FNTB: variants seen among roughly 807,000 people sequenced by gnomAD.
FNTB encodes the protein protein farnesyltransferase subunit beta.
Under a neutral mutation model 59.4 loss-of-function variants are expected in FNTB, and 27 were observed. The ratio of observed to expected loss-of-function variants is 0.45; its 90% CI spans 0.34 to 0.63. The LOEUF (loss-of-function observed/expected upper bound fraction) is 0.63, where lower values mean the gene tolerates loss of function less well. FNTB is among the 20% of genes least tolerant of loss of function. FNTB has a pLI of 0.02. For synonymous variants in FNTB, 230 were observed against 220.7 expected (o/e 1.04, Z -0.37); for missense variants, 449 against 559.6 (o/e 0.80, Z 1.99).
intron 9 of FNTB, among the ~76,000 whole-genome samples, chr14:65,049,580 T>C (rs931098512): frequency 2.0e-5 from 3 of 152,226 alleles, no homozygotes; most frequent in Admixed American, 2.0e-4. Flanking sequence ...TGAGCTTCTA[T>C]GCTTTAATAA....
In FNTB at chr14:65,015,456, C is replaced by G. The variant is rs1051211427; in HGVS notation, c.283-169C>G. 3.9e-5 allele frequency: 13 copies of G among 331,862 alleles called. No homozygotes were observed. The East Asian group carries it at 5.9e-4, about 15-fold the overall frequency. 20.6% of individuals were successfully genotyped at this position (331,862 alleles called of 1,614,324 possible). ...TTTTAACAGATGGTCATTTCAGCTC[C>G]TGGCTAAGGCCACAAAGCAAAGTGT... On this transcript the variant is annotated intron_variant, in intron 3 of 11. Transcript: ENST00000246166.
At chr14:65,022,882 C>T (rs970783750) in intron 4 of FNTB, among the ~76,000 whole-genome samples, 1 of 152,116 alleles carries the variant, frequency 6.6e-6, no homozygotes, top group Admixed American at 6.6e-5. Flanking sequence ...ATTCATGTGC[C>T]TTACCCATCC....
At chr14:65,015,793 T>C in intron 4 of FNTB, 77 bp downstream of exon 4, 1 of 1,540,052 alleles carries the variant, frequency 6.5e-7, no homozygotes, top group Non-Finnish European at 8.9e-7. Flanking sequence ...TGTTTCTGTT[T>C]TGTTTGTTTG....
chr14:65,004,551 A>C (rs201402631), intron 2 of FNTB, among the ~76,000 whole-genome samples: 2 of 152,222 alleles, frequency 1.3e-5, no homozygotes, highest in Admixed American at 6.5e-5. Context: ...ATTCCCCTCA[A>C]TGCCTCAATT....
rs537048294 is a variant in FNTB at position 65,028,060 on chromosome 14, T to A, written c.605+279T>A. Among the ~76,000 whole-genome samples, 132 of 152,366 alleles carry A rather than the reference T, an allele frequency of 8.7e-4. 1 individual carries two copies. The highest frequency in any genetic ancestry group is 1.9e-3 in the Admixed American group (29 of 15,304). On this transcript the variant is annotated intron_variant, in intron 6 of 11. Coordinates refer to ENST00000246166, the MANE Select transcript of FNTB (RefSeq NM_002028.4). This position sits in a 1 kb window ranked among gnomAD's most constrained non-coding sequence, Gnocchi z 4.4. ...TACATTTGTTTGGTACAAAATGATA[T>A]ACCACAATATAAATAACTGTATGGT...
At position 65,054,300 on chromosome 14, in the gene FNTB, C is replaced by T. The variant is rs1022797404; in HGVS notation, c.1068-275C>T. Among the ~76,000 whole-genome samples, 24 of 151,858 alleles carry T rather than the reference C, an allele frequency of 1.6e-4. No individual in the cohort carries two copies. Among genetic ancestry groups the T allele is most frequent in the African/African-American group, 5.3e-4 (22 of 41,354 alleles). On this transcript the variant is annotated intron_variant, in intron 10 of 11. Transcript: ENST00000246166. This position sits in a 1 kb window ranked among gnomAD's most constrained non-coding sequence, Gnocchi z 4.4. ...GCTAATTTTTAATTTTTTGTAGAGA[C>T]GGGGTCTCCCATGTTGCCCAAGTTG...
At chr14:65,040,320 C>T (rs892608332) in intron 7 of FNTB, among the ~76,000 whole-genome samples, 1 of 145,546 alleles carries the variant, frequency 6.9e-6, no homozygotes, top group Non-Finnish European at 1.5e-5. Context: ...TATATATGTA[C>T]ATATATGTAT....
chr14:65,056,431 ATTG>A (rs1340991699), intron 11 of FNTB, among the ~76,000 whole-genome samples: 3 of 152,174 alleles, frequency 2.0e-5, no homozygotes, highest in Admixed American at 6.5e-5. Flanking sequence ...GGGGACACAT[ATTG>A]TCATCTTTGA....
chr14:65,021,999 G>A (rs1417855918), intron 4 of FNTB: 2 of 456,028 alleles, frequency 4.4e-6, no homozygotes, highest in Non-Finnish European at 8.8e-6. Flanking sequence ...GCCATCCAGA[G>A]ACTTGCCGGT....
At chr14:65,056,954 A>AGG (rs1008778560) in intron 11 of FNTB, among the ~76,000 whole-genome samples, 5 of 152,210 alleles carry the variant, frequency 3.3e-5, no homozygotes, top group African/African-American at 1.2e-4. Flanking sequence ...TGGAAATCAA[A>AGG]GGGGAAGCCA....
Position 65,032,846 on chromosome 14 carries a change from C to A in FNTB, c.692+150C>A. 1.6e-6 allele frequency: 1 copy of A among 620,530 alleles called. No homozygotes were observed. Among genetic ancestry groups the A allele is most frequent in the South Asian group, 3.4e-5 (1 of 29,148 alleles). The allele number at this position is 620,530 out of a possible 1,614,324, so 38.4% of individuals were successfully genotyped here. On this transcript the variant is annotated intron_variant, in intron 7 of 11. Coordinates refer to ENST00000246166, the MANE Select transcript of FNTB (RefSeq NM_002028.4). The surrounding 1 kb of genome is among the most constrained non-coding windows in gnomAD (Gnocchi z 5.0). ...GGTTATCTAATGATTTTTTTAAATA[C>A]TTAAAATGTCTTCTTTTTTCCAAAC...
intron 9 of FNTB, among the ~76,000 whole-genome samples, chr14:65,051,591 A>T (rs987285216): frequency 6.6e-6 from 1 of 151,986 alleles, no homozygotes; most frequent in Non-Finnish European, 1.5e-5. Context: ...AACCTGGGCA[A>T]CAGAGTGAGA....
chr14:65,031,619 T>C lies in FNTB; in HGVS notation c.606-991T>C, dbSNP rs1418977479. ...GCATGAGCAACTGTGCCCAGCCTAA[T>C]AATGCTTTTTTAAAAAATAGCCCGG... is the stretch of plus-strand genomic sequence containing the variant. On this transcript the variant is annotated intron_variant, in intron 6 of 11. Transcript: ENST00000246166. This position sits in a 1 kb window ranked among gnomAD's most constrained non-coding sequence, Gnocchi z 4.6. 2.0e-5 allele frequency among the ~76,000 whole-genome samples: 3 copies of C among 151,918 alleles called. No individual in the cohort carries two copies. The highest frequency in any genetic ancestry group is 4.4e-5 in the Non-Finnish European group (3 of 67,978).
Position 64,998,975 on chromosome 14 carries a change from T to G in FNTB, c.145-5274T>G, listed in dbSNP as rs80284823. On this transcript the variant is annotated intron_variant, in intron 1 of 11. Transcript: ENST00000246166. ...TGTGATAGATCTACACAGTGGAATATTATTTGGTGAAATAATATGAATAAA... is the reference window on the plus strand; with the variant it reads ...TGTGATAGATCTACACAGTGGAATAGTATTTGGTGAAATAATATGAATAAA... Among the ~76,000 whole-genome samples the G allele has an allele frequency of 5.8e-4, 88 of 152,388 alleles. 2 individuals are homozygous for G. In the East Asian group the frequency reaches 0.014, roughly 24 times the overall value.
chr14:64,995,793 A>G (rs919981205), intron 1 of FNTB, among the ~76,000 whole-genome samples: 7 of 150,172 alleles, frequency 4.7e-5, no homozygotes, highest in South Asian at 2.1e-4. Flanking sequence ...GTATGTATGT[A>G]TAAAGCCTGA....
At chr14:65,045,985 T>A (rs2062468147) in intron 9 of FNTB, among the ~76,000 whole-genome samples, 1 of 152,166 alleles carries the variant, frequency 6.6e-6, no homozygotes. Flanking sequence ...ACATTTTTTA[T>A]TTTAGTATTA....
In FNTB at chr14:65,031,705, G is replaced by C. The variant is rs2062088768; in HGVS notation, c.606-905G>C. On this transcript the variant is annotated intron_variant, in intron 6 of 11. Transcript: ENST00000246166. The surrounding 1 kb of genome is among the most constrained non-coding windows in gnomAD (Gnocchi z 4.6). The stretch of plus-strand genomic sequence containing the variant: ...GGAGGCCAAGGCAGGTGGATTGCTT[G>C]AGGTCAGGAGTTTGAAACCAGCCTA... Among the ~76,000 whole-genome samples, 1 of 152,138 alleles carries C rather than the reference G, an allele frequency of 6.6e-6. No individual in the cohort carries two copies. The highest frequency in any genetic ancestry group is 2.1e-4 in the South Asian group (1 of 4,828).
intron 9 of FNTB, among the ~76,000 whole-genome samples, chr14:65,049,217 A>G (rs1377566476): frequency 6.6e-6 from 1 of 151,900 alleles, no homozygotes; most frequent in Admixed American, 6.6e-5. Flanking sequence ...ATAAGAAAGC[A>G]GCAGGCCTGT....
rs1386796592 is a variant in FNTB, at chr14:65,031,398, A to G, written c.606-1212A>G. ...AGTGGCATGATCTTGGCTCACTGCA[A>G]CCCCCGCCTCCCGGGTTCAAGTGGT... On this transcript the variant is annotated intron_variant, in intron 6 of 11. Transcript: ENST00000246166. This position sits in a 1 kb window ranked among gnomAD's most constrained non-coding sequence, Gnocchi z 4.6. Among the ~76,000 whole-genome samples the G allele has an allele frequency of 1.3e-5, 2 of 151,214 alleles. No individual in the cohort carries two copies. Among genetic ancestry groups the G allele is most frequent in the East Asian group, 4.0e-4 (2 of 5,042 alleles).
Sources: gnomAD v4.1 joint callset for allele counts (sites outside exome capture counted in the v4.1 genomes callset) on GRCh38, gnomAD v4.1.1 for gene constraint, Gnocchi (gnomAD v3.1) non-coding constraint, MANE v1.5 for transcripts, NCBI Gene and HGNC (gene_info 2026-07-23, HGNC 2026-07-21) for gene names.